Variants in MCM6 observed in about 807,000 individuals in gnomAD.
MCM6 encodes minichromosome maintenance complex component 6.
MCM6 carries 46 observed loss-of-function variants against 94.3 expected under a neutral mutation model. The observed-to-expected ratio is 0.49, with a 90% CI of 0.39 to 0.62. MCM6 has a LOEUF of 0.62. MCM6 is among the 20% of genes least tolerant of loss of function. The pLI is 0.00. For synonymous variants in MCM6, 335 were observed against 351.9 expected (o/e 0.95, Z 0.54); for missense variants, 865 against 1,017.9 (o/e 0.85, Z 2.04).
chr2:135,862,509 C>T (rs1680014708), intron 8 of MCM6, 98 bp downstream of exon 8: 2 of 1,255,922 alleles, frequency 1.6e-6, no homozygotes, highest in Admixed American at 2.0e-5. Flanking sequence ...ATAATTTACA[C>T]TCCTAGTAAG....
At chr2:135,872,326 T>C (rs1680215692) in intron 2 of MCM6, among the ~76,000 whole-genome samples, 1 of 151,992 alleles carries the variant, frequency 6.6e-6, no homozygotes, top group Non-Finnish European at 1.5e-5. Context: ...TGGGCGCCTG[T>C]AATCCCAGCT....
chr2:135,866,567 T>C lies in MCM6; in HGVS notation c.777A>G (p.Thr259=), dbSNP rs1408074010. The part of the protein sequence containing the change: ...IVVPDVSKLS[T]PGARAETNSR... ...TTTGAGCCACAGATTACTGACCTGGTGTGCTAAGCTTGGAGACGTCAGGCA... is the reference window on the plus strand; with the variant it reads ...TTTGAGCCACAGATTACTGACCTGGCGTGCTAAGCTTGGAGACGTCAGGCA... The change falls in exon 5 of 17, where the codon ACA becomes ACG. Residue 259 remains threonine (T), a synonymous_variant. Transcript: ENST00000264156. 4 of 1,611,208 alleles carry C rather than the reference T, an allele frequency of 2.5e-6. No individual in the cohort carries two copies. The highest frequency in any genetic ancestry group is 1.7e-5 in the Admixed American group (1 of 59,342).
At chr2:135,849,629 T>C (rs902103006) in intron 13 of MCM6, among the ~76,000 whole-genome samples, 12 of 152,102 alleles carry the variant, frequency 7.9e-5, no homozygotes, top group African/African-American at 2.7e-4. Flanking sequence ...CAAAGCCCCA[T>C]AGATTAAAAC....
Position 135,876,371 on chromosome 2 carries a change from C to T in MCM6, c.-6G>A, listed in dbSNP as rs1249487599. 1 of 1,601,540 alleles carries T rather than the reference C, an allele frequency of 6.2e-7. No homozygotes were observed. On this transcript the variant is annotated 5_prime_UTR_variant, in exon 1 of 17. Transcript: ENST00000264156. ...GCTGCCGCCGCGAGGTCCATATTTGCTTAGTGCCGAGGATTCGCCTGCGCC... is the reference window on the plus strand; with the variant it reads ...GCTGCCGCCGCGAGGTCCATATTTGTTTAGTGCCGAGGATTCGCCTGCGCC...
At chr2:135,869,543 A>G (rs954671720) in intron 3 of MCM6, among the ~76,000 whole-genome samples, 1 of 152,098 alleles carries the variant, frequency 6.6e-6, no homozygotes, top group Non-Finnish European at 1.5e-5. Flanking sequence ...CTCAAAGTTC[A>G]GAAACACTTC....
In MCM6 at chr2:135,872,874, G is replaced by C. The variant is rs767956894; in HGVS notation, c.108-31C>G. ...GGTACATTCGAGTCAACTAGATTAA[G>C]GACACAGGCAGTACAAAGAACCTGA... On this transcript the variant is annotated intron_variant, in intron 1 of 16. Coordinates refer to ENST00000264156, the MANE Select transcript of MCM6 (RefSeq NM_005915.6). The C allele has an allele frequency of 1.2e-5, 19 of 1,611,028 alleles. No homozygotes were observed. In the African/African-American group the frequency reaches 1.3e-4, roughly 11 times the overall value.
At position 135,840,571 on chromosome 2, in the gene MCM6, A is replaced by G. The variant is rs1384885310; in HGVS notation, c.*264T>C. 3.0e-6 allele frequency: 1 copy of G among 328,898 alleles called. No individual in the cohort carries two copies. Among genetic ancestry groups the G allele is most frequent in the African/African-American group, 2.1e-5 (1 of 47,518 alleles). 20.4% of individuals were successfully genotyped at this position (328,898 alleles called of 1,614,324 possible). On this transcript the variant is annotated 3_prime_UTR_variant, in exon 17 of 17. Coordinates refer to ENST00000264156, the MANE Select transcript of MCM6 (RefSeq NM_005915.6). ...TTTTCTTACACATGAAAACAAAGGT[A>G]TTGGTTATAGAGACTACACATTATT...
chr2:135,865,225 G>A, intron 6 of MCM6, 62 bp from the exon 7 acceptor site: 1 of 1,171,066 alleles, frequency 8.5e-7, no homozygotes, highest in Non-Finnish European at 1.1e-6. Context: ...GCATAAAGGA[G>A]AAGAAACTTC....
At chr2:135,868,968 C>G (rs1157529774) in intron 3 of MCM6, 108 bp from the exon 4 acceptor site, 2 of 1,084,466 alleles carry the variant, frequency 1.8e-6, no homozygotes, top group Non-Finnish European at 2.7e-6. Flanking sequence ...AAAAAAAATT[C>G]AAGAGACAAG....
chr2:135,868,578 GGAC>G (rs763666976), intron 4 of MCM6, 30 bp downstream of exon 4: 1 of 1,597,802 alleles, frequency 6.3e-7, no homozygotes, highest in Non-Finnish European at 8.6e-7. Flanking sequence ...TATCATAGAT[GGAC>G]TCTGATCTAA....
Position 135,862,765 on chromosome 2 carries a change from C to T in MCM6, c.1079-17G>A, listed in dbSNP as rs773441260. ...CATCATTGCCTGAAATGAAAAGAAG[C>T]TACAGATGAAAAACTAATTTTTCAA... On this transcript the variant is annotated splice_polypyrimidine_tract_variant and intron_variant, in intron 7 of 16. Transcript: ENST00000264156. The T allele has an allele frequency of 1.3e-5, 21 of 1,610,782 alleles. No individual in the cohort carries two copies. The highest frequency in any genetic ancestry group is 1.8e-5 in the Non-Finnish European group (21 of 1,178,702).
At chr2:135,872,169 G>C (rs1239885767) in intron 2 of MCM6, among the ~76,000 whole-genome samples, 1 of 152,212 alleles carries the variant, frequency 6.6e-6, no homozygotes, top group Non-Finnish European at 1.5e-5. Context: ...GCTCTGGCCG[G>C]GCACGGTGGC....
rs759935852 is a variant in MCM6, at chr2:135,851,490, G to A, written c.1829C>T (p.Thr610Ile). The A allele has an allele frequency of 3.7e-6, 6 of 1,613,676 alleles. No individual in the cohort carries two copies. Among genetic ancestry groups the A allele is most frequent in the Non-Finnish European group, 5.1e-6 (6 of 1,179,876 alleles). The change falls in exon 13 of 17, where the codon ACC (threonine) becomes ATC (isoleucine). Residue 610 changes from threonine (T) to isoleucine (I), a missense_variant. By Grantham distance (89) the Thr-to-Ile change is moderately conservative. This residue lies in a region of MCM6 where 308 missense variants were observed against 324.5 expected (regional missense o/e 0.95). Coordinates refer to ENST00000264156, the MANE Select transcript of MCM6 (RefSeq NM_005915.6). ...HLRQRDGSGV[T>I]KSSWRITVRQ... ...CACTGTAATCCTCCATGAAGACTTG[G>A]TCACTCCAGAACCATCTCTCTGGCG...
rs776037433 is a variant in MCM6 at position 135,852,888 on chromosome 2, T to C, written c.1654A>G (p.Ile552Val). The C allele has an allele frequency of 2.4e-5, 38 of 1,610,390 alleles. 1 individual carries two copies. In the Middle Eastern group the frequency reaches 5.0e-4, roughly 21 times the overall value. The stretch of plus-strand genomic sequence containing the variant: ...TCAATTCTTGAATGCAAATCTACTA[T>C]GCGCCTGGCAATGGCATAATCTGTA... Reference protein sequence around the residue: ...EVTDYAIARRIVDLHSRIEES... With the variant: ...EVTDYAIARRVVDLHSRIEES... Residue 552 changes from isoleucine to valine, a missense_variant, in exon 12 of 17, where the codon ATA (isoleucine) becomes GTA (valine). Around this residue, in one of 3 missense-constraint regions of MCM6, gnomAD observed 153 missense variants for 241.5 expected, o/e 0.63. Transcript: ENST00000264156.
At chr2:135,854,503 CTGGG>C (rs962199958) in intron 11 of MCM6, among the ~76,000 whole-genome samples, 81 of 121,510 alleles carry the variant, frequency 6.7e-4, no homozygotes, top group African/African-American at 2.5e-3. Flanking sequence ...GCACTCCAGC[CTGGG>C]TAACAGAGCG....
intron 3 of MCM6, among the ~76,000 whole-genome samples, chr2:135,869,268 G>A (rs1431343459): frequency 6.6e-6 from 1 of 152,050 alleles, no homozygotes; most frequent in East Asian, 1.9e-4. Flanking sequence ...AGTCGTGGTG[G>A]CGGGCGCCTG....
intron 3 of MCM6, 26 bp downstream of exon 3, chr2:135,870,225 T>C (rs771434414): frequency 6.5e-6 from 10 of 1,535,638 alleles, no homozygotes; most frequent in South Asian, 1.1e-5. Flanking sequence ...GGTGAATTCC[T>C]TTTTTTCCAG....
rs1490765218 is a variant in MCM6, at chr2:135,840,182, A to G, written c.*653T>C. 6.6e-6 allele frequency: 1 copy of G among 151,844 alleles called. No homozygotes were observed. The highest frequency in any genetic ancestry group is 1.5e-5 in the Non-Finnish European group (1 of 68,030). The allele number at this position is 151,844 out of a possible 1,614,324, so 9.4% of individuals were successfully genotyped here. On this transcript the variant is annotated 3_prime_UTR_variant, in exon 17 of 17. Transcript: ENST00000264156. Reference sequence around the variant, plus strand: ...GGACACAGAAGTAAAATAAATTACTAAAGAGTAATTTTAAAAAAGTATAAT... The same window carrying G: ...GGACACAGAAGTAAAATAAATTACTGAAGAGTAATTTTAAAAAAGTATAAT...
rs752871057 is a variant in MCM6 at position 135,848,181 on chromosome 2, G to T, written c.1925C>A (p.Pro642His). Residue 642 changes from proline to histidine, a missense_variant, in exon 14 of 17, where the codon CCT (proline) becomes CAT (histidine). By Grantham distance (77) the Pro-to-His change is moderately conservative. Coordinates refer to ENST00000264156, the MANE Select transcript of MCM6 (RefSeq NM_005915.6). ...ARMHCCDEVQPKHVKEAFRLL... is the reference protein window; with the variant it reads ...ARMHCCDEVQHKHVKEAFRLL... ...CCGGAAAGCTTCCTTCACATGTTTAGGTTGGACCTAAACCAATAATGATGA... is the reference window on the plus strand; with the variant it reads ...CCGGAAAGCTTCCTTCACATGTTTATGTTGGACCTAAACCAATAATGATGA... The T allele has an allele frequency of 3.7e-6, 6 of 1,609,446 alleles. No homozygotes were observed. Among genetic ancestry groups the T allele is most frequent in the Non-Finnish European group, 3.4e-6 (4 of 1,176,220 alleles).
Sources: gnomAD v4.1 joint callset for allele counts (sites outside exome capture counted in the v4.1 genomes callset) on GRCh38, gnomAD v4.1.1 for gene constraint, gnomAD v4.1.1 regional missense constraint, MANE v1.5 for transcripts, NCBI Gene and HGNC (gene_info 2026-07-23, HGNC 2026-07-21) for gene names.